Variants in YEATS2 observed in about 807,000 individuals in gnomAD.
The protein encoded by YEATS2 is YEATS domain-containing protein 2.
A neutral mutation model predicts 163.2 loss-of-function variants in YEATS2; 77 were observed. The observed-to-expected ratio is 0.47, with a 90% CI of 0.39 to 0.57. The LOEUF (loss-of-function observed/expected upper bound fraction) is 0.57, where lower values mean the gene tolerates loss of function less well. Ranked by LOEUF, YEATS2 falls within the 20% of genes least tolerant of loss-of-function variation. The pLI is 0.00. For synonymous variants in YEATS2, 631 were observed against 645.1 expected (o/e 0.98, Z 0.33); for missense variants, 1,549 against 1,729.8 (o/e 0.90, Z 1.85).
intron 21 of YEATS2, among the ~76,000 whole-genome samples, chr3:183,795,171 C>CA (rs11370496): frequency 0.53 from 65,146 of 123,316 alleles, 15,860 homozygotes; most frequent in Middle Eastern, 0.64. Flanking sequence ...GACACTGTCT[C>CA]AAAAAAAAAA....
intron 20 of YEATS2, among the ~76,000 whole-genome samples, chr3:183,789,268 TA>T (rs544245048): frequency 3.7e-4 from 57 of 152,192 alleles, no homozygotes; most frequent in Non-Finnish European, 7.6e-4. Flanking sequence ...GTCTTAGATT[TA>T]ACTCTTTAAT....
intron 7 of YEATS2, among the ~76,000 whole-genome samples, chr3:183,734,643 G>A (rs1000032770): frequency 2.0e-5 from 3 of 152,198 alleles, no homozygotes; most frequent in Non-Finnish European, 4.4e-5. Context: ...GAATTAACAT[G>A]CAGGAGGTAG....
At chr3:183,772,656 G>A (rs1722591670) in intron 16 of YEATS2, 93 bp downstream of exon 16, 1 of 1,503,254 alleles carries the variant, frequency 6.7e-7, no homozygotes, top group Non-Finnish European at 9.0e-7. Context: ...ATCTGGTCTA[G>A]GAAAGCCTAG....
intron 15 of YEATS2, among the ~76,000 whole-genome samples, chr3:183,766,827 TTTTTG>T (rs1721952857): frequency 6.6e-6 from 1 of 152,148 alleles, no homozygotes; most frequent in Admixed American, 6.5e-5. Context: ...CCAATTAGGT[TTTTTG>T]TTTTGTTTTG....
intron 5 of YEATS2, among the ~76,000 whole-genome samples, chr3:183,722,525 G>A (rs142391571): frequency 0.017 from 2,548 of 152,046 alleles, 36 homozygotes; most frequent in South Asian, 0.026. Flanking sequence ...TCCTGACCTC[G>A]TGATCTTCCC....
intron 20 of YEATS2, 39 bp downstream of exon 20, chr3:183,786,340 A>G (rs1219231461): frequency 1.3e-6 from 2 of 1,569,436 alleles, no homozygotes; most frequent in Non-Finnish European, 1.7e-6. Flanking sequence ...CTAATGAGAC[A>G]TGAAAGTGGT....
At chr3:183,742,386 G>A (rs1719067321) in intron 8 of YEATS2, among the ~76,000 whole-genome samples, 1 of 152,170 alleles carries the variant, frequency 6.6e-6, no homozygotes. Context: ...GGTCAGAGTA[G>A]CAACATTAAC....
At chr3:183,717,059 G>A (rs1451813173) in intron 2 of YEATS2, among the ~76,000 whole-genome samples, 1 of 151,780 alleles carries the variant, frequency 6.6e-6, no homozygotes, top group African/African-American at 2.4e-5. Flanking sequence ...CGCCCAGCTA[G>A]TTTTTGTATT....
chr3:183,705,270 G>A (rs1003832417), intron 1 of YEATS2, among the ~76,000 whole-genome samples: 10 of 152,146 alleles, frequency 6.6e-5, no homozygotes, highest in Admixed American at 3.3e-4. Context: ...GGGTGGTCTT[G>A]AACTCCTGAG....
At chr3:183,807,229 A>C in intron 28 of YEATS2, 137 bp downstream of exon 28, 1 of 781,554 alleles carries the variant, frequency 1.3e-6, no homozygotes, top group Non-Finnish European at 2.0e-6. Flanking sequence ...CTGGTGCCGT[A>C]GATGCTTGAC....
At chr3:183,716,490 T>G (rs1577047143) in intron 2 of YEATS2, among the ~76,000 whole-genome samples, 4 of 152,268 alleles carry the variant, frequency 2.6e-5, no homozygotes, top group African/African-American at 9.6e-5. Flanking sequence ...GGAAAATTGT[T>G]AAATCCAATC....
chr3:183,727,244 CAAAT>C, intron 6 of YEATS2, among the ~76,000 whole-genome samples: 1 of 152,078 alleles, frequency 6.6e-6, no homozygotes, highest in South Asian at 2.1e-4. Flanking sequence ...AGAGAAGGCA[CAAAT>C]AATATTAGAA....
Position 183,752,142 on chromosome 3 carries a change from G to A in YEATS2, c.1039G>A (p.Asp347Asn). ...DCIYPQSSES[D>N]ISDAPPSLPL... The stretch of plus-strand genomic sequence containing the variant: ...TATCTATCCTCAGTCCTCGGAGTCT[G>A]ACATCTCTGATGCCCCTCCATCTTT... Residue 347 changes from aspartate to asparagine, a missense_variant, in exon 10 of 31, where the codon GAC (aspartate) becomes AAC (asparagine). Transcript: ENST00000305135. The A allele has an allele frequency of 1.2e-6, 2 of 1,614,146 alleles. No homozygotes were observed. The highest frequency in any genetic ancestry group is 2.2e-5 in the South Asian group (2 of 91,084).
chr3:183,747,481 CTA>C (rs1174766528), intron 8 of YEATS2, among the ~76,000 whole-genome samples, 189 bp from the exon 9 acceptor site: 1 of 151,730 alleles, frequency 6.6e-6, no homozygotes, highest in Non-Finnish European at 1.5e-5. Flanking sequence ...AATATAGTAA[CTA>C]TATGTCTGAG....
At chr3:183,741,803 A>T (rs1474107468) in intron 8 of YEATS2, among the ~76,000 whole-genome samples, 1 of 152,074 alleles carries the variant, frequency 6.6e-6, no homozygotes, top group Non-Finnish European at 1.5e-5. Context: ...AAGAGCTTTG[A>T]TGGAGATGTA....
chr3:183,776,403 G>T (rs1215902345), intron 18 of YEATS2, among the ~76,000 whole-genome samples: 1 of 151,918 alleles, frequency 6.6e-6, no homozygotes, highest in Non-Finnish European at 1.5e-5. Context: ...AATTAGCTGG[G>T]CGTGGTGGTG....
At chr3:183,775,202 G>A (rs760002525) in intron 17 of YEATS2, among the ~76,000 whole-genome samples, 6 of 152,156 alleles carry the variant, frequency 3.9e-5, no homozygotes, top group Admixed American at 1.3e-4. Context: ...ACAACATCGA[G>A]CACTGTAAAG....
At chr3:183,786,050 C>T in intron 19 of YEATS2, 75 bp from the exon 20 acceptor site, 6 of 1,508,238 alleles carry the variant, frequency 4.0e-6, no homozygotes, top group Non-Finnish European at 4.5e-6. Context: ...GGGCGTATCT[C>T]AGCTGTCAGT....
chr3:183,786,003 G>C, intron 19 of YEATS2, 122 bp from the exon 20 acceptor site: 1 of 1,153,726 alleles, frequency 8.7e-7, no homozygotes, highest in Non-Finnish European at 1.2e-6. Flanking sequence ...ATGTAGGTTG[G>C]ATTGGTAAGA....
Sources: allele counts gnomAD v4.1 joint callset (sites outside exome capture counted in the v4.1 genomes callset), GRCh38; gene constraint gnomAD v4.1.1; transcripts MANE v1.5; gene names NCBI Gene and HGNC (gene_info 2026-07-23, HGNC 2026-07-21).